The following SOS1 variants were observed in gnomAD, a reference collection of about 807,000 sequenced individuals.
SOS1 encodes son of sevenless homolog 1.
Under a neutral mutation model 157.6 loss-of-function variants are expected in SOS1, and 25 were observed. The ratio of observed to expected loss-of-function variants is 0.16; its 90% CI spans 0.12 to 0.22. The LOEUF is 0.22. SOS1 is among the 10% of genes least tolerant of loss of function. The pLI, the probability that SOS1 is intolerant of heterozygous loss-of-function variation, is 1.00. For synonymous variants in SOS1, 528 were observed against 534.0 expected (o/e 0.99, Z 0.16); for missense variants, 1,237 against 1,599.1 (o/e 0.77, Z 3.86).
intron 1 of SOS1, among the ~76,000 whole-genome samples, chr2:39,105,762 T>C (rs1673148564): frequency 6.6e-6 from 1 of 151,588 alleles, no homozygotes; most frequent in Admixed American, 6.6e-5. Context: ...TAGCTGGGTG[T>C]AGTGGCAGGC....
intron 8 of SOS1, among the ~76,000 whole-genome samples, chr2:39,028,650 T>G (rs796677838): frequency 3.9e-5 from 6 of 152,308 alleles, no homozygotes; most frequent in African/African-American, 1.4e-4. Flanking sequence ...TGAAATGACT[T>G]TGAAAAACCT....
intron 1 of SOS1, among the ~76,000 whole-genome samples, chr2:39,108,648 G>C (rs867043972): frequency 2.6e-5 from 4 of 152,138 alleles, no homozygotes; most frequent in African/African-American, 9.7e-5. Flanking sequence ...CAGTGCTTTG[G>C]GAGGCCAAGG....
intron 6 of SOS1, among the ~76,000 whole-genome samples, chr2:39,038,115 T>C (rs182416692): frequency 1.3e-5 from 2 of 152,300 alleles, no homozygotes; most frequent in Admixed American, 6.5e-5. Context: ...GTAACTGACA[T>C]AGATAGTGAT....
chr2:39,118,630 G>A (rs13416725), intron 1 of SOS1, among the ~76,000 whole-genome samples: 2,537 of 152,254 alleles, frequency 0.017, 81 homozygotes, highest in African/African-American at 0.058. Flanking sequence ...CCTGTCTAAA[G>A]AAGGGAGCCA....
intron 1 of SOS1, among the ~76,000 whole-genome samples, chr2:39,073,578 T>G (rs1279051197): frequency 1.3e-5 from 2 of 152,246 alleles, no homozygotes; most frequent in East Asian, 1.9e-4. Flanking sequence ...TAAGGACTAC[T>G]TGATTCTATC....
intron 1 of SOS1, among the ~76,000 whole-genome samples, chr2:39,096,723 A>C (rs982299833): frequency 1.3e-5 from 2 of 152,076 alleles, no homozygotes; most frequent in African/African-American, 2.4e-5. Flanking sequence ...GTCTCTACTA[A>C]AAATACAAAA....
rs115898355 is a variant in SOS1 at position 38,996,403 on chromosome 2, T to C, written c.3081+519A>G. ...CCGCACCTGGCAGACTTTTGACTTT[T>C]TTATGAACAAGAGAGTACATAGTCA... On this transcript the variant is annotated intron_variant, in intron 19 of 22. Transcript: ENST00000402219. Among the ~76,000 whole-genome samples the C allele has an allele frequency of 2.9e-3, 442 of 152,330 alleles. 1 individual carries two copies. Among genetic ancestry groups the C allele is most frequent in the Middle Eastern group, 0.01 (3 of 294 alleles).
At chr2:39,114,040 C>A (rs1558520143) in intron 1 of SOS1, among the ~76,000 whole-genome samples, 1 of 152,084 alleles carries the variant, frequency 6.6e-6, no homozygotes, top group Admixed American at 6.6e-5. Context: ...CTTTTCAGGC[C>A]CTTTGACTTT....
chr2:39,002,532 A>G (rs1237010933), intron 17 of SOS1, among the ~76,000 whole-genome samples: 3 of 152,148 alleles, frequency 2.0e-5, no homozygotes, highest in Non-Finnish European at 4.4e-5. Context: ...GCATGACTAT[A>G]AGCTAGGTGA....
At chr2:39,078,179 T>A (rs901196617) in intron 1 of SOS1, among the ~76,000 whole-genome samples, 1 of 152,022 alleles carries the variant, frequency 6.6e-6, no homozygotes, top group Non-Finnish European at 1.5e-5. Flanking sequence ...TCAGCCTCAA[T>A]CTCAATCTCA....
chr2:38,995,915 T>C (rs1668875880), intron 19 of SOS1, among the ~76,000 whole-genome samples: 1 of 152,240 alleles, frequency 6.6e-6, no homozygotes, highest in Non-Finnish European at 1.5e-5. Flanking sequence ...GAGTGCTTCA[T>C]TGGATCAGAT....
chr2:39,083,246 C>T (rs1043078646), intron 1 of SOS1, among the ~76,000 whole-genome samples: 1 of 152,040 alleles, frequency 6.6e-6, no homozygotes, highest in Non-Finnish European at 1.5e-5. Context: ...AGATAAAAAT[C>T]TCCCAGTCCA....
intron 6 of SOS1, among the ~76,000 whole-genome samples, chr2:39,039,344 G>A (rs993790973): frequency 2.0e-5 from 3 of 152,192 alleles, no homozygotes; most frequent in Admixed American, 2.0e-4. Context: ...TTTAGAGCAT[G>A]TAAACTAGAA....
chr2:39,098,082 A>G (rs1672838049), intron 1 of SOS1: 1 of 152,508 alleles, frequency 6.6e-6, no homozygotes, highest in Non-Finnish European at 1.5e-5. Flanking sequence ...ATTATTTTAC[A>G]TGATAGAAGA....
intron 20 of SOS1, chr2:38,993,150 C>G (rs1212701722): frequency 6.6e-6 from 1 of 151,164 alleles, no homozygotes; most frequent in Non-Finnish European, 1.5e-5. Flanking sequence ...TCATAGTATT[C>G]TCAAGACAAA....
intron 1 of SOS1, among the ~76,000 whole-genome samples, chr2:39,090,139 CA>C (rs10598316): frequency 0.64 from 71,286 of 110,724 alleles, 23,330 homozygotes; most frequent in Non-Finnish European, 0.77. Flanking sequence ...GACCCTGTCT[CA>C]AAAAAAAAAA....
At chr2:39,067,880 A>C (rs1227786516) in intron 1 of SOS1, 127 bp from the exon 2 acceptor site, 2 of 802,636 alleles carry the variant, frequency 2.5e-6, no homozygotes, top group East Asian at 5.3e-5. Context: ...GCACTCTGGG[A>C]GGCCAAGGCG....
intron 1 of SOS1, among the ~76,000 whole-genome samples, chr2:39,098,930 C>T (rs368540492): frequency 6.6e-6 from 1 of 152,130 alleles, no homozygotes; most frequent in East Asian, 1.9e-4. Context: ...AAAAGACAAC[C>T]CAATTTTAAA....
intron 6 of SOS1, 46 bp downstream of exon 6, chr2:39,051,097 TG>T: frequency 6.4e-7 from 1 of 1,571,776 alleles, no homozygotes; most frequent in South Asian, 1.1e-5. Context: ...TTAATGTAAA[TG>T]TAGGCTTTTA....
Sources: allele counts gnomAD v4.1 joint callset (sites outside exome capture counted in the v4.1 genomes callset), GRCh38; gene constraint gnomAD v4.1.1; transcripts MANE v1.5; gene names NCBI Gene and HGNC (gene_info 2026-07-23, HGNC 2026-07-21).